RASSF2: variants seen among roughly 807,000 people sequenced by gnomAD.
The protein encoded by RASSF2 is Ras association domain family member 2, also known as ras association domain-containing protein 2.
In RASSF2, 34 loss-of-function variants were observed where a neutral mutation model predicts 46.3. That is an observed-to-expected ratio of 0.73 (90% CI 0.56 to 0.98). RASSF2 has a LOEUF of 0.98. RASSF2 is among the 50% of genes least tolerant of loss of function. The probability of loss-of-function intolerance (pLI) is 0.00; values close to 1 mark genes in which losing one functional copy is unlikely to be tolerated. For synonymous variants in RASSF2, 158 were observed against 162.5 expected (o/e 0.97, Z 0.21); for missense variants, 364 against 431.2 (o/e 0.84, Z 1.38).
chr20:4,792,608 T>C lies in RASSF2; in HGVS notation c.307A>G (p.Thr103Ala). The C allele has an allele frequency of 6.2e-7, 1 of 1,613,684 alleles. No homozygotes were observed. The highest frequency in any genetic ancestry group is 2.2e-5 in the East Asian group (1 of 44,816). Residue 103 changes from threonine (T) to alanine (A), a missense_variant, in exon 6 of 12, where the codon ACT becomes GCT. Coordinates refer to ENST00000379400, the MANE Select transcript of RASSF2 (RefSeq NM_014737.3). Reference protein sequence around the residue: ...GAQGTTLKPLTVPKVQISEVD... With the variant: ...GAQGTTLKPLAVPKVQISEVD... ...TCTGAGATCTGAACTTTGGGCACAGTCAGGGGCTTCAGAGTGGTTCTGGGA... is the reference window on the plus strand; with the variant it reads ...TCTGAGATCTGAACTTTGGGCACAGCCAGGGGCTTCAGAGTGGTTCTGGGA...
At chr20:4,793,662 G>A (rs961245729) in intron 5 of RASSF2, among the ~76,000 whole-genome samples, 1 of 149,882 alleles carries the variant, frequency 6.7e-6, no homozygotes, top group African/African-American at 2.5e-5. Context: ...TTATTTTTTT[G>A]TAGAGACAGG....
intron 2 of RASSF2, among the ~76,000 whole-genome samples, chr20:4,818,987 A>G (rs1010410764): frequency 2.6e-5 from 4 of 151,816 alleles, no homozygotes; most frequent in African/African-American, 9.7e-5. Flanking sequence ...TTTGAGAGGA[A>G]GTTTTGTTCT....
intron 4 of RASSF2, among the ~76,000 whole-genome samples, 182 bp downstream of exon 4, chr20:4,797,828 C>T (rs572460513): frequency 1.3e-5 from 2 of 152,286 alleles, no homozygotes; most frequent in African/African-American, 4.8e-5. Context: ...AACATTCATC[C>T]TTTTTGGAAC....
At position 4,782,055 on chromosome 20, in the gene RASSF2, A is replaced by G. The variant is rs2422973; in HGVS notation, c.*2218T>C. 0.82 allele frequency: 124,272 copies of G among 152,214 alleles called. 50,911 individuals carry two copies. Among genetic ancestry groups the G allele is most frequent in the East Asian group, 0.96 (4,980 of 5,182 alleles). The allele number at this position is 152,214 out of a possible 1,614,324, so 9.4% of individuals were successfully genotyped here. On this transcript the variant is annotated 3_prime_UTR_variant, in exon 12 of 12. Coordinates refer to ENST00000379400, the MANE Select transcript of RASSF2 (RefSeq NM_014737.3). ...GTTGTGTGAGATGGGATCTCCTCTCACTTCCACCTCCTGACCTCCCATCTT... is the reference window on the plus strand; with the variant it reads ...GTTGTGTGAGATGGGATCTCCTCTCGCTTCCACCTCCTGACCTCCCATCTT...
At chr20:4,802,915 T>TATA (rs1491113488) in intron 2 of RASSF2, among the ~76,000 whole-genome samples, 40 of 32,444 alleles carry the variant, frequency 1.2e-3, no homozygotes, top group Non-Finnish European at 1.6e-3. Flanking sequence ...TATATATATA[T>TATA]TTTTTTTTTT....
chr20:4,792,567 C>A lies in RASSF2; in HGVS notation c.348G>T (p.Pro116=). The A allele has an allele frequency of 6.2e-7, 1 of 1,614,106 alleles. No homozygotes were observed. The highest frequency in any genetic ancestry group is 8.5e-7 in the Non-Finnish European group (1 of 1,180,004). Residue 116 remains proline (P), a synonymous_variant, in exon 6 of 12, where the codon CCG becomes CCT. Transcript: ENST00000379400. ...TGGAGCTTGGCATCTGGTCACCCTC[C>A]GGCGGGGCATCCACCTCTGAGATCT... ...KVQISEVDAP[P]EGDQMPSSTD...
intron 2 of RASSF2, among the ~76,000 whole-genome samples, chr20:4,803,428 T>C (rs947899192): frequency 6.6e-6 from 1 of 152,144 alleles, no homozygotes; most frequent in Non-Finnish European, 1.5e-5. Flanking sequence ...GAGATTCGTG[T>C]CAGACCTTTG....
chr20:4,786,237 A>G lies in RASSF2; in HGVS notation c.905T>C (p.Met302Thr), dbSNP rs1299572546. Residue 302 changes from methionine to threonine, a missense_variant, in exon 11 of 12, where the codon ATG (methionine) becomes ACG (threonine). By Grantham distance (81) the Met-to-Thr change is moderately conservative (BLOSUM62 -1). Transcript: ENST00000379400. ...CCCCAGAAGCCACACTTACTTGCGCATCAGCTTCTTTACTTCCCGATCTTC... is the reference window on the plus strand; with the variant it reads ...CCCCAGAAGCCACACTTACTTGCGCGTCAGCTTCTTTACTTCCCGATCTTC... ...EEEDREVKKL[M>T]RKYTVLRLMI... 1 of 1,608,982 alleles carries G rather than the reference A, an allele frequency of 6.2e-7. No homozygotes were observed. Among genetic ancestry groups the G allele is most frequent in the African/African-American group, 1.3e-5 (1 of 74,774 alleles).
rs138419018 is a variant in RASSF2, at chr20:4,819,902, C to T, written c.-33+2427G>A. ...TTCCACAGGAATGGATGAGAGGGTC[C>T]CTCTCTGGTTCTGCCACAGCTGCCT... On this transcript the variant is annotated intron_variant, in intron 2 of 11. Transcript: ENST00000379400. 4.8e-3 allele frequency among the ~76,000 whole-genome samples: 725 copies of T among 152,290 alleles called. 6 individuals carry two copies. Among genetic ancestry groups the T allele is most frequent in the African/African-American group, 0.016 (663 of 41,548 alleles).
chr20:4,805,016 G>A (rs890671441), intron 2 of RASSF2, among the ~76,000 whole-genome samples: 4 of 152,064 alleles, frequency 2.6e-5, no homozygotes, highest in Non-Finnish European at 4.4e-5. Flanking sequence ...AGGCAACTCG[G>A]AGCTGTGCGA....
chr20:4,808,086 T>C (rs1438975683), intron 2 of RASSF2, among the ~76,000 whole-genome samples: 1 of 152,226 alleles, frequency 6.6e-6, no homozygotes, highest in Non-Finnish European at 1.5e-5. Context: ...GGAAGACGGT[T>C]TGTGGAACAG....
chr20:4,801,130 G>T, intron 2 of RASSF2, 68 bp from the exon 3 acceptor site: 1 of 1,284,452 alleles, frequency 7.8e-7, no homozygotes, highest in Non-Finnish European at 1.1e-6. Context: ...CAGAACTTGG[G>T]GTGGGGAGGG....
At chr20:4,810,187 A>G (rs561775930) in intron 2 of RASSF2, among the ~76,000 whole-genome samples, 159 of 152,342 alleles carry the variant, frequency 1.0e-3, no homozygotes, top group African/African-American at 3.8e-3. Context: ...GAACGGGGTC[A>G]GCGTCACCCA....
chr20:4,820,843 T>C (rs1172549770), intron 2 of RASSF2, among the ~76,000 whole-genome samples: 1 of 152,150 alleles, frequency 6.6e-6, no homozygotes, highest in Non-Finnish European at 1.5e-5. Flanking sequence ...AGCCTCTCCG[T>C]GAGACTCTCT....
At chr20:4,818,326 G>A (rs1267290762) in intron 2 of RASSF2, among the ~76,000 whole-genome samples, 1 of 151,942 alleles carries the variant, frequency 6.6e-6, no homozygotes, top group Non-Finnish European at 1.5e-5. Flanking sequence ...TGTCTCGCAT[G>A]CAGGTGAGGT....
intron 2 of RASSF2, among the ~76,000 whole-genome samples, chr20:4,820,174 A>G (rs544795963): frequency 1.3e-5 from 2 of 152,324 alleles, no homozygotes; most frequent in Admixed American, 1.3e-4. Flanking sequence ...ACCAGCCGTG[A>G]GACCTGTGGG....
chr20:4,784,020 A>C lies in RASSF2; in HGVS notation c.*253T>G, dbSNP rs537874837. On this transcript the variant is annotated 3_prime_UTR_variant, in exon 12 of 12. Transcript: ENST00000379400. ...GTACCATGTGTGCACACACATGTACACACACACATTTTGGGTCCTCCTTAT... is the reference window on the plus strand; with the variant it reads ...GTACCATGTGTGCACACACATGTACCCACACACATTTTGGGTCCTCCTTAT... 65 of 541,720 alleles carry C rather than the reference A, an allele frequency of 1.2e-4. No homozygotes were observed. The East Asian group carries it at 1.4e-3, about 12-fold the overall frequency. The allele number at this position is 541,720 out of a possible 1,614,324, so 33.6% of individuals were successfully genotyped here. A position where few individuals can be genotyped will look rare whatever the true frequency, so the allele number is the denominator to read the frequency against.
chr20:4,797,491 T>A (rs1223830645), intron 4 of RASSF2, among the ~76,000 whole-genome samples: 5 of 152,130 alleles, frequency 3.3e-5, no homozygotes, highest in Non-Finnish European at 7.4e-5. Context: ...ACAGGATGAG[T>A]AAGCTCAGTT....
At position 4,804,353 on chromosome 20, in the gene RASSF2, C is replaced by CTTTTTT. The variant is rs10659167; in HGVS notation, c.-32-3297_-32-3292dup. ...AAAGTCGAGCTAGTGAGAAAGCTTT[C>CTTTTTT]TTTTTTTTTTTTTTTTTTTTGTCAC... is the stretch of plus-strand genomic sequence containing the variant. On this transcript the variant is annotated intron_variant, in intron 2 of 11. Coordinates refer to ENST00000379400, the MANE Select transcript of RASSF2 (RefSeq NM_014737.3). Among the ~76,000 whole-genome samples, 501 of 118,656 alleles carry CTTTTTT rather than the reference C, an allele frequency of 4.2e-3. 17 individuals carry two copies. The highest frequency in any genetic ancestry group is 7.5e-3 in the South Asian group (28 of 3,750). 77.8% of individuals were successfully genotyped at this position (118,656 alleles called of 152,430 possible).
Sources: gnomAD v4.1 joint callset for allele counts (sites outside exome capture counted in the v4.1 genomes callset) on GRCh38, gnomAD v4.1.1 for gene constraint, MANE v1.5 for transcripts, NCBI Gene and HGNC (gene_info 2026-07-23, HGNC 2026-07-21) for gene names.